Variants in SLC41A2 observed in about 807,000 individuals in gnomAD.
The protein encoded by SLC41A2 is solute carrier family 41 member 2, also known as SLC41A1-like 1.
In SLC41A2, 32 loss-of-function variants were observed where a neutral mutation model predicts 58.3. The observed-to-expected ratio is 0.55, with a 90% CI of 0.41 to 0.74. The LOEUF is 0.74. Ranked by LOEUF, SLC41A2 falls within the 30% of genes least tolerant of loss-of-function variation. SLC41A2 has a pLI of 0.00. For synonymous variants in SLC41A2, 190 were observed against 235.0 expected (o/e 0.81, Z 1.75); for missense variants, 514 against 680.6 (o/e 0.76, Z 2.72).
Position 104,928,203 on chromosome 12 carries a change from A to G in SLC41A2, c.325T>C (p.Tyr109His). The G allele has an allele frequency of 6.2e-7, 1 of 1,614,152 alleles. No individual in the cohort carries two copies. The highest frequency in any genetic ancestry group is 8.5e-7 in the Non-Finnish European group (1 of 1,180,022). ...GHASSSCSQK[Y>H]DDYANYNYCD... Reference sequence around the variant, plus strand: ...TAATTATAATTGGCATAGTCATCATACTTTTGGCTGCAGCTTGATGATGCG... The same window carrying G: ...TAATTATAATTGGCATAGTCATCATGCTTTTGGCTGCAGCTTGATGATGCG... Residue 109 changes from tyrosine (Y) to histidine (H), a missense_variant, in exon 2 of 11, where the codon TAT becomes CAT. By Grantham distance (83) the Tyr-to-His change is moderately conservative. Transcript: ENST00000258538.
chr12:104,808,143 C>A (rs1160272502), intron 10 of SLC41A2, among the ~76,000 whole-genome samples: 2 of 152,078 alleles, frequency 1.3e-5, no homozygotes, highest in Admixed American at 6.6e-5. Flanking sequence ...CTGTCTTGTG[C>A]CAGTTTTCAA....
In SLC41A2 at chr12:104,946,632, G is replaced by C. The variant is rs1036716624; in HGVS notation, c.-168+11456C>G. Among the ~76,000 whole-genome samples the C allele has an allele frequency of 2.0e-5, 3 of 152,226 alleles. No homozygotes were observed. In the South Asian group the frequency reaches 6.2e-4, roughly 32 times the overall value. On this transcript the variant is annotated intron_variant, in intron 1 of 10. Transcript: ENST00000258538. ...TATTTAAAGTTGTATTATTCACATG[G>C]AATCTTTACGGCAAGTACTTTATGC...
At chr12:104,936,328 G>T (rs756215214) in intron 1 of SLC41A2, among the ~76,000 whole-genome samples, 1 of 152,128 alleles carries the variant, frequency 6.6e-6, no homozygotes, top group Non-Finnish European at 1.5e-5. Context: ...AGGAAACCTT[G>T]CAGTGGGGCA....
At chr12:104,815,356 A>G (rs1320547678) in intron 10 of SLC41A2, among the ~76,000 whole-genome samples, 1 of 152,150 alleles carries the variant, frequency 6.6e-6, no homozygotes, top group African/African-American at 2.4e-5. Context: ...AATATGCATA[A>G]CCTCTCTAGG....
At chr12:104,916,727 A>C (rs1031904641) in intron 2 of SLC41A2, among the ~76,000 whole-genome samples, 2 of 152,200 alleles carry the variant, frequency 1.3e-5, no homozygotes, top group African/African-American at 4.8e-5. Flanking sequence ...ATGGGGAAAG[A>C]ATTTCCTATT....
intron 10 of SLC41A2, among the ~76,000 whole-genome samples, chr12:104,816,203 T>TA (rs1165838782): frequency 6.6e-6 from 1 of 151,648 alleles, no homozygotes; most frequent in African/African-American, 2.4e-5. Flanking sequence ...TACTTGTAGA[T>TA]ACGAAAAAAC....
At chr12:104,858,011 T>G (rs770533902) in intron 8 of SLC41A2, among the ~76,000 whole-genome samples, 16 of 151,516 alleles carry the variant, frequency 1.1e-4, no homozygotes, top group Non-Finnish European at 2.4e-4. Flanking sequence ...AAAAAGAAAA[T>G]AAAAAAATAA....
intron 10 of SLC41A2, among the ~76,000 whole-genome samples, chr12:104,819,614 T>A (rs533820035): frequency 2.6e-4 from 40 of 152,286 alleles, no homozygotes; most frequent in South Asian, 2.1e-3. Flanking sequence ...ACAAATAAAC[T>A]ATGAAGAATG....
chr12:104,957,115 C>T (rs2048197889), intron 1 of SLC41A2, among the ~76,000 whole-genome samples: 2 of 152,004 alleles, frequency 1.3e-5, no homozygotes, highest in African/African-American at 4.8e-5. Flanking sequence ...CACACAATGG[C>T]CAAAAACTGG....
chr12:104,840,578 T>C (rs2042375698), intron 10 of SLC41A2, among the ~76,000 whole-genome samples: 2 of 152,192 alleles, frequency 1.3e-5, no homozygotes, highest in South Asian at 4.1e-4. Flanking sequence ...GAATGTCTCT[T>C]AGCACATTAC....
In SLC41A2 at chr12:104,914,119, T is replaced by G. The variant is rs2046208374; in HGVS notation, c.556-4357A>C. On this transcript the variant is annotated intron_variant, in intron 2 of 10. Coordinates refer to ENST00000258538, the MANE Select transcript of SLC41A2 (RefSeq NM_001352171.3). The stretch of plus-strand genomic sequence containing the variant: ...GATGTGCTTGCAGAAGTTCCCAAAC[T>G]TTCTCAGTTCACGGCACGCTTAGTA... Among the ~76,000 whole-genome samples, 3 of 152,194 alleles carry G rather than the reference T, an allele frequency of 2.0e-5. No homozygotes were observed. The South Asian group carries it at 6.2e-4, about 31-fold the overall frequency.
At chr12:104,886,498 A>T in intron 5 of SLC41A2, 59 bp from the exon 6 acceptor site, 2 of 1,545,522 alleles carry the variant, frequency 1.3e-6, no homozygotes, top group South Asian at 2.3e-5. Context: ...TCAATCCCCC[A>T]AATACCAAAA....
rs957883259 is a variant in SLC41A2 at position 104,813,185 on chromosome 12, G to GA, written c.1537-7849dup. Reference sequence around the variant, plus strand: ...CAGAGCAAGACTCTGTCTCAAAAAAGAAAAAAAAATAAAATAAAAAATTCA... The same window carrying GA: ...CAGAGCAAGACTCTGTCTCAAAAAAGAAAAAAAAAATAAAATAAAAAATTCA... On this transcript the variant is annotated intron_variant, in intron 10 of 10. Transcript: ENST00000258538. Among the ~76,000 whole-genome samples, 115 of 145,982 alleles carry GA rather than the reference G, an allele frequency of 7.9e-4. No individual in the cohort carries two copies. The South Asian group carries it at 0.019, about 25-fold the overall frequency.
chr12:104,857,395 A>C (rs1337327873), intron 8 of SLC41A2, among the ~76,000 whole-genome samples: 1 of 152,216 alleles, frequency 6.6e-6, no homozygotes, highest in Non-Finnish European at 1.5e-5. Context: ...ACATGTTTAC[A>C]CTGCTGGTGG....
chr12:104,883,776 A>C (rs1018631843), intron 6 of SLC41A2, among the ~76,000 whole-genome samples: 1 of 152,232 alleles, frequency 6.6e-6, no homozygotes, highest in Non-Finnish European at 1.5e-5. Context: ...GATGTCTCCC[A>C]GTTAGGCTAC....
intron 8 of SLC41A2, among the ~76,000 whole-genome samples, chr12:104,856,089 T>C (rs2043011101): frequency 6.6e-6 from 1 of 152,222 alleles, no homozygotes; most frequent in Non-Finnish European, 1.5e-5. Context: ...CTTAAGCATC[T>C]GCATTTCTAA....
At chr12:104,927,929 A>G (rs370489167) in intron 2 of SLC41A2, 44 bp downstream of exon 2, 30 of 1,495,324 alleles carry the variant, frequency 2.0e-5, no homozygotes, top group Non-Finnish European at 2.7e-5. Flanking sequence ...CAGAAATGGA[A>G]TAACAAAAAA....
intron 10 of SLC41A2, among the ~76,000 whole-genome samples, chr12:104,843,093 C>T (rs1233590947): frequency 6.6e-6 from 1 of 152,038 alleles, no homozygotes; most frequent in Non-Finnish European, 1.5e-5. Flanking sequence ...CCCTACTGAA[C>T]TATAGAAAAA....
At chr12:104,947,927 AAGTCTACTCAACC>A (rs1329281206) in intron 1 of SLC41A2, among the ~76,000 whole-genome samples, 1 of 152,220 alleles carries the variant, frequency 6.6e-6, no homozygotes, top group Non-Finnish European at 1.5e-5. Context: ...CTAATGAACT[AAGTCTACTCAACC>A]AGAACTCATG....
Sources: allele counts gnomAD v4.1 joint callset (sites outside exome capture counted in the v4.1 genomes callset), GRCh38; gene constraint gnomAD v4.1.1; transcripts MANE v1.5; gene names NCBI Gene and HGNC (gene_info 2026-07-23, HGNC 2026-07-21).